The following PCLAF variants were observed in gnomAD, a reference collection of about 807,000 sequenced individuals.
PCLAF encodes the protein PCNA clamp associated factor.
In PCLAF, 12 loss-of-function variants were observed where a neutral mutation model predicts 15.1. The ratio of observed to expected loss-of-function variants is 0.79; its 90% CI spans 0.51 to 1.29. PCLAF has a LOEUF of 1.29. PCLAF is among the 50% of genes most tolerant of loss of function. The pLI is 0.00. For missense variants in PCLAF, 116 were observed against 130.9 expected (o/e 0.89, Z 0.56); for synonymous variants, 33 against 47.1 (o/e 0.70, Z 1.22).
intron 2 of PCLAF, among the ~76,000 whole-genome samples, chr15:64,380,231 A>G (rs1899768247): frequency 6.6e-6 from 1 of 152,000 alleles, no homozygotes; most frequent in Admixed American, 6.6e-5. Context: ...AAATACAAAA[A>G]AATTAGCTGG....
chr15:64,367,892 A>G (rs2140517491), intron 3 of PCLAF, among the ~76,000 whole-genome samples: 1 of 51,404 alleles, frequency 1.9e-5, no homozygotes, highest in East Asian at 8.9e-4. Context: ...AAACTTAATC[A>G]AAAACTACTT....
intron 3 of PCLAF, chr15:64,373,683 C>T: frequency 6.5e-7 from 1 of 1,534,670 alleles, no homozygotes; most frequent in Non-Finnish European, 8.7e-7. Flanking sequence ...ATGAGCATCG[C>T]CACCATCCCC....
chr15:64,378,912 GAA>G (rs1028747942), intron 2 of PCLAF, among the ~76,000 whole-genome samples: 1 of 137,332 alleles, frequency 7.3e-6, no homozygotes, highest in Non-Finnish European at 1.6e-5. Flanking sequence ...CTGTGTCTCA[GAA>G]AAAAAAAAAA....
At chr15:64,385,384 G>A (rs375374442), upstream of PCLAF, among the ~76,000 whole-genome samples, 5 of 152,206 alleles carry the variant, frequency 3.3e-5, no homozygotes, top group East Asian at 5.8e-4. Context: ...CCAGCACTTT[G>A]GGAGGCCGAG....
At chr15:64,379,298 G>A (rs1300582469) in intron 2 of PCLAF, among the ~76,000 whole-genome samples, 1 of 151,980 alleles carries the variant, frequency 6.6e-6, no homozygotes, top group African/African-American at 2.4e-5. Flanking sequence ...GCAATGTGAT[G>A]AAACCCCATC....
chr15:64,381,034 C>T lies in PCLAF; in HGVS notation c.51G>A (p.Val17=). 2 of 1,614,088 alleles carry T rather than the reference C, an allele frequency of 1.2e-6. No individual in the cohort carries two copies. Among genetic ancestry groups the T allele is most frequent in the Non-Finnish European group, 8.5e-7 (1 of 1,180,006 alleles). ...DSVPGTYRKV[V]AARAPRKVLG... is the part of the protein sequence containing the mutation. ...GCACCTTTCTGGGGGCTCGAGCAGC[C>T]ACCACTGTGAAGAGAGGCAAAAAAG... The change falls in exon 2 of 4, where the codon GTG becomes GTA. Residue 17 remains valine (V), a synonymous_variant. Coordinates refer to ENST00000300035, the MANE Select transcript of PCLAF (RefSeq NM_014736.6).
chr15:64,373,716 CG>C, intron 3 of PCLAF: 1 of 1,535,770 alleles, frequency 6.5e-7, no homozygotes. Context: ...ATCAGTGTGC[CG>C]TGTGTCCAGC....
upstream of PCLAF, among the ~76,000 whole-genome samples, chr15:64,383,771 G>A (rs932114102): frequency 1.3e-5 from 2 of 152,132 alleles, no homozygotes; most frequent in African/African-American, 4.8e-5. Flanking sequence ...CCTGCAGAAA[G>A]AATAAGATAG....
chr15:64,372,185 CTTG>C (rs1179385725), intron 3 of PCLAF, among the ~76,000 whole-genome samples: 2 of 152,188 alleles, frequency 1.3e-5, no homozygotes, highest in Non-Finnish European at 2.9e-5. Flanking sequence ...ATCTGGCATT[CTTG>C]TTGAATTGGA....
In PCLAF at chr15:64,376,746, C is replaced by G. The variant is rs752679515; in HGVS notation, c.287G>C (p.Arg96Thr). Residue 96 changes from arginine to threonine, a missense_variant, in exon 3 of 4, where the codon AGA becomes ACA. Transcript: ENST00000300035. Reference protein sequence around the residue: ...AGSSGLGKAKRKACPLQPDHT... With the variant: ...AGSSGLGKAKTKACPLQPDHT... ...ATTCCAGAATATAAAAACTTACTTT[C>G]TCTTTGCTTTTCCTAAGCCACTGCT... is the stretch of plus-strand genomic sequence containing the variant. 3.1e-6 allele frequency: 5 copies of G among 1,610,036 alleles called. No individual in the cohort carries two copies. Among genetic ancestry groups the G allele is most frequent in the Non-Finnish European group, 4.2e-6 (5 of 1,178,202 alleles).
chr15:64,372,882 G>A (rs1051992576), intron 3 of PCLAF, among the ~76,000 whole-genome samples: 2 of 151,896 alleles, frequency 1.3e-5, no homozygotes, highest in Admixed American at 1.3e-4. Context: ...CACAAAAATC[G>A]CTTGAACCCA....
Position 64,376,754 on chromosome 15 carries a change from T to C in PCLAF, c.279A>G (p.Lys93=). Residue 93 remains lysine (K), a synonymous_variant, in exon 3 of 4, where the codon AAA becomes AAG. Transcript: ENST00000300035. ...PEEAGSSGLG[K]AKRKACPLQP... ...ATATAAAAACTTACTTTCTCTTTGC[T>C]TTTCCTAAGCCACTGCTTCCTGCCT... 6.2e-7 allele frequency: 1 copy of C among 1,611,452 alleles called. No homozygotes were observed. The highest frequency in any genetic ancestry group is 1.3e-5 in the African/African-American group (1 of 74,796).
intron 3 of PCLAF, among the ~76,000 whole-genome samples, chr15:64,367,353 A>C (rs937329581): frequency 1.3e-5 from 2 of 151,142 alleles, no homozygotes; most frequent in African/African-American, 4.9e-5. Flanking sequence ...AAATACAAAA[A>C]TTAGCCGGGC....
At chr15:64,374,196 T>C (rs1899485336) in intron 3 of PCLAF, among the ~76,000 whole-genome samples, 1 of 152,192 alleles carries the variant, frequency 6.6e-6, no homozygotes, top group African/African-American at 2.4e-5. Context: ...ACAATTATTG[T>C]GAGCATTTTC....
chr15:64,384,176 C>G (rs1313624240), upstream of PCLAF, among the ~76,000 whole-genome samples: 1 of 152,080 alleles, frequency 6.6e-6, no homozygotes, highest in Non-Finnish European at 1.5e-5. Flanking sequence ...ACTCTGTCAT[C>G]CAGGCTGGAA....
rs1196255028 is a variant in PCLAF, at chr15:64,365,141, T to C, written c.*889A>G. 2 of 152,066 alleles carry C rather than the reference T, an allele frequency of 1.3e-5. No individual in the cohort carries two copies. Among genetic ancestry groups the C allele is most frequent in the South Asian group, 4.1e-4 (2 of 4,826 alleles). 9.4% of individuals were successfully genotyped at this position (152,066 alleles called of 1,614,324 possible). Reference sequence around the variant, plus strand: ...CCTCAGCCTCCCGAGTAGCTGGGACTACAGGCGCCCGCCACCGCGCCCGGC... The same window carrying C: ...CCTCAGCCTCCCGAGTAGCTGGGACCACAGGCGCCCGCCACCGCGCCCGGC... On this transcript the variant is annotated 3_prime_UTR_variant, in exon 4 of 4. Transcript: ENST00000300035.
chr15:64,372,422 G>A (rs1478379643), intron 3 of PCLAF, among the ~76,000 whole-genome samples: 1 of 151,862 alleles, frequency 6.6e-6, no homozygotes, highest in Non-Finnish European at 1.5e-5. Flanking sequence ...AGACCATCCT[G>A]GCTAACATGG....
upstream of PCLAF, among the ~76,000 whole-genome samples, chr15:64,382,151 G>T (rs1446385351): frequency 3.9e-5 from 6 of 152,194 alleles, no homozygotes; most frequent in Non-Finnish European, 8.8e-5. Context: ...AGCACTTTGA[G>T]AGGCCGAGGC....
chr15:64,377,296 G>A (rs539346489), intron 2 of PCLAF, among the ~76,000 whole-genome samples: 8 of 149,612 alleles, frequency 5.3e-5, no homozygotes, highest in East Asian at 2.0e-4. Flanking sequence ...TGAAACCCCC[G>A]TCTCTACTAA....
Sources: gnomAD v4.1 joint callset for allele counts (sites outside exome capture counted in the v4.1 genomes callset) on GRCh38, gnomAD v4.1.1 for gene constraint, MANE v1.5 for transcripts, NCBI Gene and HGNC (gene_info 2026-07-23, HGNC 2026-07-21) for gene names.